INTS6: variants seen among roughly 807,000 people sequenced by gnomAD.
INTS6 encodes integrator complex subunit 6.
Under a neutral mutation model 104.9 loss-of-function variants are expected in INTS6, and 16 were observed. That is an observed-to-expected ratio of 0.15 (90% CI 0.10 to 0.23). INTS6 has a LOEUF of 0.23. INTS6 is among the 10% of genes least tolerant of loss of function. The pLI, the probability that INTS6 is intolerant of heterozygous loss-of-function variation, is 1.00. For synonymous variants in INTS6, 324 were observed against 358.7 expected, an observed-to-expected ratio of 0.90 and a Z score of 1.09; for missense variants, 584 against 1,062.8, an observed-to-expected ratio of 0.55 and a Z score of 6.26.
chr13:51,383,172 A>C (rs912575725), intron 9 of INTS6, among the ~76,000 whole-genome samples, 157 bp downstream of exon 9: 2 of 151,862 alleles, frequency 1.3e-5, no homozygotes, highest in Non-Finnish European at 2.9e-5. Flanking sequence ...TACTGTAAAC[A>C]CGAACAGATT....
rs140755191 is a variant in INTS6 at position 51,424,575 on chromosome 13, T to C, written c.429+5719A>G. The stretch of plus-strand genomic sequence containing the variant: ...GGGGTTGAGAGAACAGGGCCAAAAA[T>C]ATGAGTAGAAAAAGAAATACAAATG... On this transcript the variant is annotated intron_variant, in intron 4 of 17. Coordinates refer to ENST00000311234, the MANE Select transcript of INTS6 (RefSeq NM_012141.3). 5.5e-4 allele frequency among the ~76,000 whole-genome samples: 83 copies of C among 152,092 alleles called. 1 individual carries two copies. The highest frequency in any genetic ancestry group is 1.9e-3 in the African/African-American group (78 of 41,542).
the INTS6 span, among the ~76,000 whole-genome samples, chr13:51,347,590 T>C: frequency 6.6e-6 from 1 of 152,218 alleles, no homozygotes; most frequent in Non-Finnish European, 1.5e-5. Flanking sequence ...AGTAGTACCC[T>C]GTACCCTTAT....
chr13:51,450,048 A>G, intron 3 of INTS6: 4 of 985,346 alleles, frequency 4.1e-6, no homozygotes, highest in Non-Finnish European at 4.8e-6. Context: ...GGAAGCAAAT[A>G]AAAGTTGTAG....
At chr13:51,432,546 C>A (rs1268132125) in intron 3 of INTS6, among the ~76,000 whole-genome samples, 1 of 152,032 alleles carries the variant, frequency 6.6e-6, no homozygotes, top group Non-Finnish European at 1.5e-5. Flanking sequence ...TTTCTTTCCA[C>A]ACCACTAAGC....
At chr13:51,375,014 TA>T (rs532930683) in intron 13 of INTS6, among the ~76,000 whole-genome samples, 1 of 152,138 alleles carries the variant, frequency 6.6e-6, no homozygotes, top group Non-Finnish European at 1.5e-5. Flanking sequence ...AAATTGCCAT[TA>T]ATTTCACACA....
intron 3 of INTS6, chr13:51,441,537 CTTAAG>C (rs760643207): frequency 1.3e-5 from 2 of 151,980 alleles, no homozygotes; most frequent in Admixed American, 6.6e-5. Flanking sequence ...TCAAAACTAC[CTTAAG>C]TTAAATGAAA....
At position 51,364,362 on chromosome 13, in the gene INTS6, AAT is replaced by A. The variant is rs1280487191; in HGVS notation, c.*1388_*1389del. 2.6e-6 allele frequency: 2 copies of A among 758,130 alleles called. No individual in the cohort carries two copies. The allele number at this position is 758,130 out of a possible 1,614,324, so 47.0% of individuals were successfully genotyped here. A position where few individuals can be genotyped will look rare whatever the true frequency, so the allele number is the denominator to read the frequency against. ...TTGCTATACCCTTGAAATTTAAAAA[AAT>A]GTCTGATAAAGTGTAAAAAGCTAAG... On this transcript the variant is annotated 3_prime_UTR_variant, in exon 18 of 18. Coordinates refer to ENST00000311234, the MANE Select transcript of INTS6 (RefSeq NM_012141.3).
Position 51,452,679 on chromosome 13 carries a change from A to C in INTS6, c.-154T>G. 7.1e-7 allele frequency: 1 copy of C among 1,410,732 alleles called. No individual in the cohort carries two copies. The highest frequency in any genetic ancestry group is 9.2e-7 in the Non-Finnish European group (1 of 1,082,526). The allele number at this position is 1,410,732 out of a possible 1,614,324, so 87.4% of individuals were successfully genotyped here. On this transcript the variant is annotated 5_prime_UTR_variant, in exon 1 of 18. Transcript: ENST00000311234. This position sits in a 1 kb window ranked among gnomAD's most constrained non-coding sequence, Gnocchi z 4.2. ...CTGGGTCTTTCCTCCGGCTGCGGGGAGTTTCTCCCCCGATAGTTGAGAGGA... is the reference window on the plus strand; with the variant it reads ...CTGGGTCTTTCCTCCGGCTGCGGGGCGTTTCTCCCCCGATAGTTGAGAGGA...
Position 51,429,152 on chromosome 13 carries a change from T to C in INTS6, c.429+1142A>G, listed in dbSNP as rs138368010. Among the ~76,000 whole-genome samples, 3 of 152,320 alleles carry C rather than the reference T, an allele frequency of 2.0e-5. No individual in the cohort carries two copies. In the East Asian group the frequency reaches 5.8e-4, roughly 29 times the overall value. On this transcript the variant is annotated intron_variant, in intron 4 of 17. Transcript: ENST00000311234. ...AGATAAACAAAGACTAGGACCCACA[T>C]GCCCTGACTCCATGTCCAATTTGTA... is the stretch of plus-strand genomic sequence containing the variant.
At chr13:51,433,694 T>C (rs1441008846) in intron 3 of INTS6, among the ~76,000 whole-genome samples, 1 of 152,240 alleles carries the variant, frequency 6.6e-6, no homozygotes, top group Non-Finnish European at 1.5e-5. Flanking sequence ...GTCTGAGTTA[T>C]TAAATTTAAT....
chr13:51,375,109 G>C (rs950409739), intron 13 of INTS6, among the ~76,000 whole-genome samples: 2 of 152,020 alleles, frequency 1.3e-5, no homozygotes, highest in Admixed American at 6.6e-5. Flanking sequence ...CCAGCACTTC[G>C]GGAGGCTGAG....
chr13:51,392,321 A>C (rs543118592), intron 5 of INTS6, among the ~76,000 whole-genome samples: 22 of 152,296 alleles, frequency 1.4e-4, no homozygotes, highest in African/African-American at 5.1e-4. Context: ...CTATTACTCT[A>C]TTCCCCGCTA....
At chr13:51,395,683 T>C (rs543238501) in intron 4 of INTS6, among the ~76,000 whole-genome samples, 200 bp from the exon 5 acceptor site, 1 of 152,352 alleles carries the variant, frequency 6.6e-6, no homozygotes, top group African/African-American at 2.4e-5. Context: ...ACTTTGAAGA[T>C]ATAGACTGAA....
intron 15 of INTS6, among the ~76,000 whole-genome samples, chr13:51,373,547 T>A (rs540720711): frequency 6.6e-6 from 1 of 152,230 alleles, no homozygotes; most frequent in Non-Finnish European, 1.5e-5. Context: ...TCACCTTACC[T>A]CATTCCCAAC....
intron 15 of INTS6, among the ~76,000 whole-genome samples, chr13:51,371,613 G>C (rs2137873769): frequency 6.6e-6 from 1 of 152,050 alleles, no homozygotes; most frequent in Admixed American, 6.5e-5. Context: ...TGGAGAAATA[G>C]GGCCCAGCTC....
chr13:51,347,009 G>T, the INTS6 span: 12 of 1,556,910 alleles, frequency 7.7e-6, no homozygotes, highest in Non-Finnish European at 2.6e-6. Flanking sequence ...TGGCCACCTT[G>T]CTTTCCTGCT....
intron 15 of INTS6, among the ~76,000 whole-genome samples, chr13:51,373,042 G>A (rs1955842036): frequency 6.6e-6 from 1 of 151,448 alleles, no homozygotes; most frequent in African/African-American, 2.4e-5. Flanking sequence ...TTATTTTTCT[G>A]GAAAAAATAT....
At chr13:51,450,656 CG>C (rs1953021589) in intron 3 of INTS6, 2 of 989,964 alleles carry the variant, frequency 2.0e-6, no homozygotes, top group Non-Finnish European at 2.4e-6. Context: ...AATATAGAAA[CG>C]AAGAACACGA....
At chr13:51,380,760 A>G (rs1956031936) in intron 10 of INTS6, among the ~76,000 whole-genome samples, 1 of 152,210 alleles carries the variant, frequency 6.6e-6, no homozygotes, top group South Asian at 2.1e-4. Context: ...AAACTAAATC[A>G]TGTATTTAAT....
Sources: allele counts gnomAD v4.1 joint callset (sites outside exome capture counted in the v4.1 genomes callset), GRCh38; gene constraint gnomAD v4.1.1; non-coding constraint Gnocchi (gnomAD v3.1); transcripts MANE v1.5; gene names NCBI Gene and HGNC (gene_info 2026-07-23, HGNC 2026-07-21).